Variants in MDGA1 observed in about 807,000 individuals in gnomAD.
MDGA1 encodes MAM domain containing glycosylphosphatidylinositol anchor 1, also known as MAM domain-containing glycosylphosphatidylinositol anchor protein 1.
MDGA1 carries 54 observed loss-of-function variants against 101.5 expected under a neutral mutation model. The observed-to-expected ratio is 0.53, with a 90% confidence interval of 0.43 to 0.67. The LOEUF is 0.67. MDGA1 is among the 30% of genes least tolerant of loss of function. The pLI is 0.00. For synonymous variants in MDGA1, 533 were observed against 558.3 expected, an observed-to-expected ratio of 0.95 and a Z score of 0.64; for missense variants, 1,083 against 1,323.8, an observed-to-expected ratio of 0.82 and a Z score of 2.82.
chr6:37,638,955 C>CA lies in MDGA1; in HGVS notation c.2537-289dup, dbSNP rs1764000824. The CA allele has an allele frequency of 2.7e-6, 1 of 364,218 alleles. No individual in the cohort carries two copies. The highest frequency in any genetic ancestry group is 5.3e-6 in the Non-Finnish European group (1 of 189,438). The allele number at this position is 364,218 out of a possible 1,614,324, so 22.6% of individuals were successfully genotyped here. A position where few individuals can be genotyped will look rare whatever the true frequency, so the allele number is the denominator to read the frequency against. ...TAATCTCCCCAACCCCAAACACACACATGCACACACACCCTACCCTTCCCC... is the reference window on the plus strand; with the variant it reads ...TAATCTCCCCAACCCCAAACACACACAATGCACACACACCCTACCCTTCCCC... On this transcript the variant is annotated intron_variant, in intron 14 of 16. Coordinates refer to ENST00000434837, the MANE Select transcript of MDGA1 (RefSeq NM_153487.4). The surrounding 1 kb of genome is among the most constrained non-coding windows in gnomAD (Gnocchi z 4.8).
chr6:37,677,468 G>A (rs565486904), intron 1 of MDGA1, among the ~76,000 whole-genome samples: 19 of 152,290 alleles, frequency 1.2e-4, no homozygotes, highest in African/African-American at 4.3e-4. Flanking sequence ...ATGGTGACCC[G>A]AACTCCAGCA....
At chr6:37,654,218 A>G (rs976303344) in intron 6 of MDGA1, 56 bp downstream of exon 6, 1 of 1,490,352 alleles carries the variant, frequency 6.7e-7, no homozygotes, top group African/African-American at 1.4e-5. Context: ...GCTCCCAAAG[A>G]CCAGGGACCT....
rs1763920673 is a variant in MDGA1, at chr6:37,635,944, C to T, written c.*1424G>A. 2 of 393,322 alleles carry T rather than the reference C, an allele frequency of 5.1e-6. No homozygotes were observed. Among genetic ancestry groups the T allele is most frequent in the Non-Finnish European group, 9.0e-6 (2 of 222,972 alleles). The allele number at this position is 393,322 out of a possible 1,614,324, so 24.4% of individuals were successfully genotyped here. On this transcript the variant is annotated 3_prime_UTR_variant, in exon 17 of 17. Coordinates refer to ENST00000434837, the MANE Select transcript of MDGA1 (RefSeq NM_153487.4). ...ACGAATGGGTCTCAATCCAGTCTCA[C>T]AGGCAGATATGTGAGATTGCACACA...
intron 1 of MDGA1, among the ~76,000 whole-genome samples, chr6:37,669,386 T>C (rs1761823374): frequency 6.6e-6 from 1 of 152,214 alleles, no homozygotes; most frequent in Non-Finnish European, 1.5e-5. Flanking sequence ...ACTATTATAG[T>C]TACCCAACTC....
At position 37,658,319 on chromosome 6, in the gene MDGA1, C is replaced by T; in HGVS notation, c.308G>A (p.Gly103Asp). 6.2e-7 allele frequency: 1 copy of T among 1,612,832 alleles called. No individual in the cohort carries two copies. Among genetic ancestry groups the T allele is most frequent in the Non-Finnish European group, 8.5e-7 (1 of 1,179,614 alleles). ...LRIERIARTQ[G>D]GRYYCKAENG... The stretch of plus-strand genomic sequence containing the variant: ...CTCAGCCTTGCAGTAGTAGCGGCCG[C>T]CCTGCGTGCGTGCAATACGCTCGAT... The change falls in exon 3 of 17, where the codon GGC becomes GAC. Residue 103 changes from glycine (G) to aspartate (D), a missense_variant. By Grantham distance (94) the Gly-to-Asp change is moderately conservative. Around this residue, in one of 3 missense-constraint regions of MDGA1, gnomAD observed 310 missense variants for 355.9 expected, o/e 0.87. Coordinates refer to ENST00000434837, the MANE Select transcript of MDGA1 (RefSeq NM_153487.4).
rs758740089 is a variant in MDGA1, at chr6:37,652,078, G to A, written c.1245C>T (p.Cys415=). The change falls in exon 7 of 17, where the codon TGC becomes TGT. Residue 415 remains cysteine, a synonymous_variant. Coordinates refer to ENST00000434837, the MANE Select transcript of MDGA1 (RefSeq NM_153487.4). This position sits in a 1 kb window ranked among gnomAD's most constrained non-coding sequence, Gnocchi z 4.3. ...CGGGTGCCCCTGGGAAAGAAGCCAT[G>A]CACAGGTAGGTGCCATAGTCACTGA... ...LHFSDYGTYL[C]MASFPGAPVP... 6.2e-7 allele frequency: 1 copy of A among 1,613,328 alleles called. No homozygotes were observed.
chr6:37,674,920 G>A (rs1761945782), intron 1 of MDGA1, among the ~76,000 whole-genome samples: 1 of 152,190 alleles, frequency 6.6e-6, no homozygotes, highest in Non-Finnish European at 1.5e-5. Flanking sequence ...AGCTGAGTGT[G>A]GTGGCAGGCG....
Position 37,696,903 on chromosome 6 carries a change from C to G in MDGA1, c.-92G>C, listed in dbSNP as rs1762433898. On this transcript the variant is annotated 5_prime_UTR_variant, in exon 1 of 17. Transcript: ENST00000434837. This position sits in a 1 kb window ranked among gnomAD's most constrained non-coding sequence, Gnocchi z 5.6. ...CGGGGCCCCGCGACGCCCCTATGTC[C>G]CCCCCTTTCCCTGAGAGGTGAGAGA... The G allele has an allele frequency of 8.9e-6, 9 of 1,013,818 alleles. No homozygotes were observed. Among genetic ancestry groups the G allele is most frequent in the African/African-American group, 1.6e-5 (1 of 62,380 alleles). The allele number at this position is 1,013,818 out of a possible 1,614,324, so 62.8% of individuals were successfully genotyped here. A position where few individuals can be genotyped will look rare whatever the true frequency, so the allele number is the denominator to read the frequency against.
chr6:37,673,195 C>G (rs1486112631), intron 1 of MDGA1, among the ~76,000 whole-genome samples: 1 of 152,158 alleles, frequency 6.6e-6, no homozygotes, highest in African/African-American at 2.4e-5. Flanking sequence ...TGCATTTCCA[C>G]TTCGCAAGTG....
At chr6:37,648,776 G>T (rs1335428334) in intron 9 of MDGA1, 7 of 965,232 alleles carry the variant, frequency 7.3e-6, no homozygotes, top group Non-Finnish European at 1.0e-5. Context: ...GGGGCTGGGA[G>T]GCCCAGGTTG....
rs1253918473 is a variant in MDGA1, at chr6:37,638,036, CT to C, written c.2776+168del. The C allele has an allele frequency of 1.4e-5, 9 of 652,176 alleles. No homozygotes were observed. The East Asian group carries it at 2.5e-4, about 18-fold the overall frequency. 40.4% of individuals were successfully genotyped at this position (652,176 alleles called of 1,614,324 possible). A position where few individuals can be genotyped will look rare whatever the true frequency, so the allele number is the denominator to read the frequency against. On this transcript the variant is annotated intron_variant, in intron 16 of 16. Coordinates refer to ENST00000434837, the MANE Select transcript of MDGA1 (RefSeq NM_153487.4). This position sits in a 1 kb window ranked among gnomAD's most constrained non-coding sequence, Gnocchi z 4.8. ...CTCATTGTTTACACAAGTACACAGC[CT>C]GAGTGAGTGTGGGGCACACCTTCAC...
intron 2 of MDGA1, 137 bp from the exon 3 acceptor site, chr6:37,658,556 A>G: frequency 1.2e-6 from 1 of 822,224 alleles, no homozygotes; most frequent in Non-Finnish European, 1.9e-6. Context: ...CAGGCCTAGG[A>G]AACGAACCCA....
intron 1 of MDGA1, among the ~76,000 whole-genome samples, chr6:37,684,164 G>T (rs976930809): frequency 6.6e-6 from 1 of 152,192 alleles, no homozygotes; most frequent in African/African-American, 2.4e-5. Context: ...GGAAACAGTG[G>T]CAGTGCTTCT....
intron 1 of MDGA1, among the ~76,000 whole-genome samples, chr6:37,687,169 C>A (rs1762213764): frequency 6.6e-6 from 1 of 152,122 alleles, no homozygotes. Context: ...TGTTCACCAG[C>A]TCAGCTGTGA....
chr6:37,664,239 C>A, intron 1 of MDGA1, 133 bp from the exon 2 acceptor site: 1 of 1,129,404 alleles, frequency 8.9e-7, no homozygotes. Context: ...AGGCCTGACC[C>A]CACTGAGCCC....
chr6:37,682,018 C>T (rs996436046), intron 1 of MDGA1, among the ~76,000 whole-genome samples: 5 of 152,144 alleles, frequency 3.3e-5, no homozygotes, highest in African/African-American at 1.2e-4. Context: ...CTACTCATGT[C>T]CCCTGCTTAC....
rs1383457758 is a variant in MDGA1, at chr6:37,649,271, G to A, written c.1610-5C>T. 11 of 1,484,338 alleles carry A rather than the reference G, an allele frequency of 7.4e-6. No individual in the cohort carries two copies. Among genetic ancestry groups the A allele is most frequent in the Admixed American group, 2.3e-5 (1 of 42,788 alleles). The allele number at this position is 1,484,338 out of a possible 1,614,324, so 91.9% of individuals were successfully genotyped here. A position where few individuals can be genotyped will look rare whatever the true frequency, so the allele number is the denominator to read the frequency against. ...TGGGCTCCACCTCCGGCGGGACTGG[G>A]GGCGGGAGCGGCGGTCAGCGGGGCC... On this transcript the variant is annotated splice_region_variant and splice_polypyrimidine_tract_variant and intron_variant, in intron 8 of 16. Transcript: ENST00000434837.
Position 37,633,161 on chromosome 6 carries a change from A to C in MDGA1, c.*4207T>G, listed in dbSNP as rs539327122. The C allele has an allele frequency of 3.3e-5, 5 of 152,432 alleles. No individual in the cohort carries two copies. Among genetic ancestry groups the C allele is most frequent in the African/African-American group, 1.2e-4 (5 of 41,328 alleles). 9.4% of individuals were successfully genotyped at this position (152,432 alleles called of 1,614,324 possible). A position where few individuals can be genotyped will look rare whatever the true frequency, so the allele number is the denominator to read the frequency against. On this transcript the variant is annotated 3_prime_UTR_variant, in exon 17 of 17. Coordinates refer to ENST00000434837, the MANE Select transcript of MDGA1 (RefSeq NM_153487.4). ...TTATAAGGGTCAAGGGATCCCCAGG[A>C]AAGAGTGGTCCTTCTGCCCCAACAC...
intron 1 of MDGA1, among the ~76,000 whole-genome samples, chr6:37,667,674 A>G (rs1761783215): frequency 6.6e-6 from 1 of 152,230 alleles, no homozygotes. Flanking sequence ...GGTGCCTCTC[A>G]ACAAGGAAGA....
Sources: gnomAD v4.1 joint callset for allele counts (sites outside exome capture counted in the v4.1 genomes callset) on GRCh38, gnomAD v4.1.1 for gene constraint, gnomAD v4.1.1 regional missense constraint, Gnocchi (gnomAD v3.1) non-coding constraint, MANE v1.5 for transcripts, NCBI Gene and HGNC (gene_info 2026-07-23, HGNC 2026-07-21) for gene names.